The following WDR33 variants were observed in gnomAD, a reference collection of about 807,000 sequenced individuals.
The protein encoded by WDR33 is WD repeat domain 33, also known as pre-mRNA 3' end processing protein WDR33.
In WDR33, 47 loss-of-function variants were observed where a neutral mutation model predicts 164.9. That is an observed-to-expected ratio of 0.29 (90% CI 0.23 to 0.36). The LOEUF is 0.36. Among genes scored for constraint, WDR33 ranks in the 10% least tolerant of loss-of-function variants. WDR33 has a pLI of 1.00. For missense variants in WDR33, 1,137 were observed against 1,754.1 expected (o/e 0.65, Z 6.28); for synonymous variants, 505 against 589.0 (o/e 0.86, Z 2.06).
Position 127,701,833 on chromosome 2 carries a change from T to A in WDR33, c.*4490A>T. 4 of 1,458,774 alleles carry A rather than the reference T, an allele frequency of 2.7e-6. No individual in the cohort carries two copies. Among genetic ancestry groups the A allele is most frequent in the Non-Finnish European group, 3.6e-6 (4 of 1,109,842 alleles). 90.4% of individuals were successfully genotyped at this position (1,458,774 alleles called of 1,614,324 possible). A position where few individuals can be genotyped will look rare whatever the true frequency, so the allele number is the denominator to read the frequency against. ...GCCGCGCTCTACGCACCGGTGTTGC[T>A]GCTGCGCGCGCGCAAGTTCGCGCTG... On this transcript the variant is annotated 3_prime_UTR_variant, in exon 22 of 22. Transcript: ENST00000322313.
At position 127,713,733 on chromosome 2, in the gene WDR33, G is replaced by A. The variant is rs377069025; in HGVS notation, c.3158C>T (p.Pro1053Leu). Residue 1053 changes from proline (P) to leucine (L), a missense_variant, in exon 18 of 22, where the codon CCG becomes CTG. Around this residue, in one of 9 missense-constraint regions of WDR33, gnomAD observed 867 missense variants for 1,073.0 expected, o/e 0.81. Transcript: ENST00000322313. This position sits in a 1 kb window ranked among gnomAD's most constrained non-coding sequence, Gnocchi z 6.2. ...GAATTCCCTGTGATCAGGGGGAAAC[G>A]GAGGCCCAGGGCCCCCTCGCCTCCA... ...EKWRRGGPGP[P>L]FPPDHREFSE... 5.3e-5 allele frequency: 86 copies of A among 1,614,210 alleles called. No individual in the cohort carries two copies. Among genetic ancestry groups the A allele is most frequent in the South Asian group, 3.5e-4 (32 of 91,088 alleles).
At position 127,735,611 on chromosome 2, in the gene WDR33, A is replaced by C; in HGVS notation, c.725-8834T>G. The C allele has an allele frequency of 1.0e-6, 1 of 985,872 alleles. No homozygotes were observed. The highest frequency in any genetic ancestry group is 1.7e-5 in the African/African-American group (1 of 57,370). 61.1% of individuals were successfully genotyped at this position (985,872 alleles called of 1,614,324 possible). On this transcript the variant is annotated intron_variant, in intron 7 of 21. Coordinates refer to ENST00000322313, the MANE Select transcript of WDR33 (RefSeq NM_018383.5). The surrounding 1 kb of genome is among the most constrained non-coding windows in gnomAD (Gnocchi z 4.3). ...AACTGTTACTCAAGAAAATGTGTTA[A>C]ACATTAACAGCAAACTCAGGCTACT...
In WDR33 at chr2:127,796,768, T is replaced by C. The variant is rs952334785; in HGVS notation, c.-24+14244A>G. On this transcript the variant is annotated intron_variant, in intron 1 of 21. Coordinates refer to ENST00000322313, the MANE Select transcript of WDR33 (RefSeq NM_018383.5). The stretch of plus-strand genomic sequence containing the variant: ...AAAACAATCTACATTAATGTCTTTG[T>C]ATTTCGGTCTCCTAAATGACTAGGT... 1.5e-4 allele frequency among the ~76,000 whole-genome samples: 23 copies of C among 152,218 alleles called. 1 individual carries two copies. The highest frequency in any genetic ancestry group is 1.4e-3 in the Admixed American group (21 of 15,286).
rs539223526 is a variant in WDR33, at chr2:127,794,426, G to C, written c.-24+16586C>G. Among the ~76,000 whole-genome samples, 5 of 151,754 alleles carry C rather than the reference G, an allele frequency of 3.3e-5. No homozygotes were observed. The South Asian group carries it at 6.2e-4, about 19-fold the overall frequency. On this transcript the variant is annotated intron_variant, in intron 1 of 21. Coordinates refer to ENST00000322313, the MANE Select transcript of WDR33 (RefSeq NM_018383.5). ...GAGGCAGGAGAATCACTTGAACTTG[G>C]GGGGGCAGAGGTTGCAGTGAGTCAA...
intron 1 of WDR33, among the ~76,000 whole-genome samples, chr2:127,776,597 T>C (rs1488270231): frequency 6.6e-6 from 1 of 152,124 alleles, no homozygotes; most frequent in African/African-American, 2.4e-5. Flanking sequence ...TAGTCCCAGC[T>C]ACTCAGGAGG....
At chr2:127,744,018 G>T (rs1347826693) in intron 7 of WDR33, among the ~76,000 whole-genome samples, 1 of 152,176 alleles carries the variant, frequency 6.6e-6, no homozygotes, top group Non-Finnish European at 1.5e-5. Flanking sequence ...GGGGCTGGAG[G>T]AAAGACTTTT....
Position 127,708,878 on chromosome 2 carries a change from G to T in WDR33, c.3580C>A (p.His1194Asn). The stretch of plus-strand genomic sequence containing the variant: ...TCAGGGCGGGGAGTATCACGAAAAT[G>T]TTCATGACCTGGCCCTGAAACAAGA... ...GNREPGPGHE[H>N]FRDTPRPDHP... Residue 1194 changes from histidine to asparagine, a missense_variant, in exon 21 of 22, where the codon CAT becomes AAT. By Grantham distance (68) the His-to-Asn change is moderately conservative. Transcript: ENST00000322313. This position sits in a 1 kb window ranked among gnomAD's most constrained non-coding sequence, Gnocchi z 6.7. 6.4e-7 allele frequency: 1 copy of T among 1,569,448 alleles called. No individual in the cohort carries two copies. The highest frequency in any genetic ancestry group is 8.7e-7 in the Non-Finnish European group (1 of 1,153,508).
chr2:127,798,258 C>T (rs1689109955), intron 1 of WDR33, among the ~76,000 whole-genome samples: 1 of 149,998 alleles, frequency 6.7e-6, no homozygotes. Flanking sequence ...ATCCCAGCTA[C>T]CAGGGGGGCT....
rs530057940 is a variant in WDR33 at position 127,774,418 on chromosome 2, TA to T, written c.-23-3415del. Reference sequence around the variant, plus strand: ...TAATTATATTAGAATAAAATTATTCTAACAGTATAGTTTCTATTACTATAAA... The same window carrying T: ...TAATTATATTAGAATAAAATTATTCTACAGTATAGTTTCTATTACTATAAA... On this transcript the variant is annotated intron_variant, in intron 1 of 21. Transcript: ENST00000322313. 1.9e-3 allele frequency among the ~76,000 whole-genome samples: 292 copies of T among 152,290 alleles called. 2 individuals are homozygous for T. Among genetic ancestry groups the T allele is most frequent in the African/African-American group, 6.4e-3 (265 of 41,576 alleles).
intron 1 of WDR33, among the ~76,000 whole-genome samples, chr2:127,809,099 T>G (rs1188165648): frequency 6.6e-6 from 1 of 151,918 alleles, no homozygotes; most frequent in Non-Finnish European, 1.5e-5. Context: ...CACTAATATC[T>G]TTGTCGTAAT....
intron 1 of WDR33, among the ~76,000 whole-genome samples, chr2:127,807,011 A>AT (rs10716015): frequency 8.7e-5 from 13 of 149,624 alleles, no homozygotes; most frequent in South Asian, 6.3e-4. Context: ...CATGTTTGAA[A>AT]TTTTTTTTTT....
rs574647059 is a variant in WDR33 at position 127,724,066 on chromosome 2, G to C, written c.1196+267C>G. Among the ~76,000 whole-genome samples, 1 of 137,866 alleles carries C rather than the reference G, an allele frequency of 7.3e-6. No homozygotes were observed. The highest frequency in any genetic ancestry group is 1.5e-5 in the Non-Finnish European group (1 of 65,552). The allele number at this position is 137,866 out of a possible 152,430, so 90.4% of individuals were successfully genotyped here. A position where few individuals can be genotyped will look rare whatever the true frequency, so the allele number is the denominator to read the frequency against. On this transcript the variant is annotated intron_variant, in intron 11 of 21. Coordinates refer to ENST00000322313, the MANE Select transcript of WDR33 (RefSeq NM_018383.5). This position sits in a 1 kb window ranked among gnomAD's most constrained non-coding sequence, Gnocchi z 4.8. The stretch of plus-strand genomic sequence containing the variant: ...GCACGCCAGCCTGGACAGAGACCCT[G>C]TCTCAAATAAATAAATAAATAAATA...
Position 127,701,659 on chromosome 2 carries a change from TG to T in WDR33, c.*4663del. On this transcript the variant is annotated 3_prime_UTR_variant, in exon 22 of 22. Transcript: ENST00000322313. ...GGGGACCGGCCGGCGGAGGAGTGGC[TG>T]GGCCGCGCGGGCTTGCGCTGGACGT... 7.7e-7 allele frequency: 1 copy of T among 1,294,390 alleles called. No individual in the cohort carries two copies. Among genetic ancestry groups the T allele is most frequent in the Non-Finnish European group, 9.7e-7 (1 of 1,026,166 alleles). 80.2% of individuals were successfully genotyped at this position (1,294,390 alleles called of 1,614,324 possible).
At chr2:127,758,621 T>C (rs1687585819) in intron 7 of WDR33, among the ~76,000 whole-genome samples, 4 of 152,198 alleles carry the variant, frequency 2.6e-5, no homozygotes, top group African/African-American at 7.2e-5. Flanking sequence ...TGATTCTCTT[T>C]ATGAGTATAA....
chr2:127,717,548 C>G lies in WDR33; in HGVS notation c.2761-285G>C, dbSNP rs1686331366. 6.6e-6 allele frequency among the ~76,000 whole-genome samples: 1 copy of G among 152,158 alleles called. No homozygotes were observed. Among genetic ancestry groups the G allele is most frequent in the South Asian group, 2.1e-4 (1 of 4,826 alleles). On this transcript the variant is annotated intron_variant, in intron 16 of 21. Transcript: ENST00000322313. This position sits in a 1 kb window ranked among gnomAD's most constrained non-coding sequence, Gnocchi z 5.6. Reference sequence around the variant, plus strand: ...TGGAAAGTCAGAAATTCTAACACAGCAGCACTAAATTAAACCAATTAAAAC... The same window carrying G: ...TGGAAAGTCAGAAATTCTAACACAGGAGCACTAAATTAAACCAATTAAAAC...
intron 1 of WDR33, among the ~76,000 whole-genome samples, chr2:127,788,289 C>CGG: frequency 9.0e-6 from 1 of 110,748 alleles, no homozygotes; most frequent in Non-Finnish European, 1.9e-5. Flanking sequence ...GCCGGCCGGG[C>CGG]GGGGGGCTGA....
At chr2:127,736,816 A>G (rs1308025541) in intron 7 of WDR33, 1 of 985,452 alleles carries the variant, frequency 1.0e-6, no homozygotes, top group Non-Finnish European at 1.2e-6. Flanking sequence ...TGAAACTTAC[A>G]TATCAGGCTG....
chr2:127,788,805 C>CG (rs1688729652), intron 1 of WDR33, among the ~76,000 whole-genome samples: 1 of 149,224 alleles, frequency 6.7e-6, no homozygotes, highest in South Asian at 2.1e-4. Flanking sequence ...GGTTGACCCC[C>CG]CCCCACCTCC....
chr2:127,773,936 T>G (rs1016358062), intron 1 of WDR33, among the ~76,000 whole-genome samples: 1 of 151,722 alleles, frequency 6.6e-6, no homozygotes, highest in Non-Finnish European at 1.5e-5. Flanking sequence ...AGGTAATTTT[T>G]TTTGTATTTT....
Sources: allele counts gnomAD v4.1 joint callset (sites outside exome capture counted in the v4.1 genomes callset), GRCh38; gene constraint gnomAD v4.1.1; regional missense constraint gnomAD v4.1.1; non-coding constraint Gnocchi (gnomAD v3.1); transcripts MANE v1.5; gene names NCBI Gene and HGNC (gene_info 2026-07-23, HGNC 2026-07-21).